Variants in PDE1A observed in about 807,000 individuals in gnomAD.
PDE1A encodes phosphodiesterase 1A, also known as dual specificity calcium/calmodulin-dependent 3',5'-cyclic nucleotide phosphodiesterase 1A.
Under a neutral mutation model 61.7 loss-of-function variants are expected in PDE1A, and 35 were observed. That is an observed-to-expected ratio of 0.57 (90% CI 0.43 to 0.75). The LOEUF (loss-of-function observed/expected upper bound fraction) is 0.75, where lower values mean the gene tolerates loss of function less well. PDE1A is among the 30% of genes least tolerant of loss of function. The pLI is 0.00. For synonymous variants in PDE1A, 232 were observed against 213.2 expected (o/e 1.09, Z -0.77); for missense variants, 597 against 630.6 (o/e 0.95, Z 0.57).
At chr2:182,266,184 T>C (rs1223498652) in intron 1 of PDE1A, among the ~76,000 whole-genome samples, 1 of 152,168 alleles carries the variant, frequency 6.6e-6, no homozygotes, top group African/African-American at 2.4e-5. Flanking sequence ...ATAAATTGTA[T>C]ATACCAATAA....
exon 15 of PDE1A, chr2:182,140,513 C>A (rs1690180814): frequency 6.6e-6 from 1 of 152,074 alleles, no homozygotes; most frequent in Admixed American, 6.6e-5. Context: ...ATTTAGCAAT[C>A]ACATGTAATA....
the PDE1A span, among the ~76,000 whole-genome samples, chr2:182,665,449 A>G: frequency 6.6e-6 from 1 of 152,220 alleles, no homozygotes; most frequent in East Asian, 1.9e-4. Flanking sequence ...TATGTGGCCA[A>G]CAACCATATG....
chr2:182,665,110 A>G, the PDE1A span, among the ~76,000 whole-genome samples: 2 of 152,166 alleles, frequency 1.3e-5, no homozygotes, highest in Non-Finnish European at 2.9e-5. Flanking sequence ...GACAATTGAT[A>G]AAATACTACA....
chr2:182,273,586 T>C (rs528699008), intron 1 of PDE1A, among the ~76,000 whole-genome samples: 4 of 152,204 alleles, frequency 2.6e-5, no homozygotes, highest in African/African-American at 4.8e-5. Flanking sequence ...ACACATTAAG[T>C]GAAAAGAGAA....
At chr2:182,516,669 AAGGGAAGG>A (rs901119311) in intron 2 of PDE1A, among the ~76,000 whole-genome samples, 4 of 126,420 alleles carry the variant, frequency 3.2e-5, no homozygotes, top group African/African-American at 1.2e-4. Context: ...AGAGAGAAAG[AAGGGAAGG>A]AGGGAAGGAG....
the PDE1A span, among the ~76,000 whole-genome samples, chr2:182,582,654 T>C: frequency 1.3e-5 from 2 of 152,276 alleles, no homozygotes; most frequent in South Asian, 4.1e-4. Context: ...CTCAGATGTC[T>C]GCAAGGAAGA....
the PDE1A span, among the ~76,000 whole-genome samples, chr2:182,634,690 A>G: frequency 6.6e-6 from 1 of 152,208 alleles, no homozygotes; most frequent in African/African-American, 2.4e-5. Context: ...GTACTCAGAG[A>G]AAAAAACAAG....
intron 2 of PDE1A, among the ~76,000 whole-genome samples, chr2:182,498,892 G>A (rs908348214): frequency 3.3e-5 from 5 of 151,854 alleles, no homozygotes; most frequent in African/African-American, 7.2e-5. Flanking sequence ...CGCAGTGAGC[G>A]GAAATGCGCC....
At chr2:182,709,979 C>G in the PDE1A span, among the ~76,000 whole-genome samples, 4 of 152,302 alleles carry the variant, frequency 2.6e-5, no homozygotes, top group African/African-American at 9.6e-5. Context: ...TCACCACAAC[C>G]TCCGACTCCC....
intron 1 of PDE1A, among the ~76,000 whole-genome samples, chr2:182,305,377 G>T (rs771180516): frequency 6.6e-6 from 1 of 151,744 alleles, no homozygotes; most frequent in East Asian, 1.9e-4. Flanking sequence ...CATACTTTCA[G>T]CTTTACCCTT....
intron 1 of PDE1A, among the ~76,000 whole-genome samples, chr2:182,364,502 T>C (rs956254381): frequency 9.1e-5 from 4 of 43,796 alleles, no homozygotes; most frequent in Admixed American, 4.7e-4. Context: ...AAAAAAAACC[T>C]TATTCTGAAT....
At chr2:182,695,332 T>C in the PDE1A span, among the ~76,000 whole-genome samples, 7 of 152,100 alleles carry the variant, frequency 4.6e-5, no homozygotes, top group African/African-American at 1.7e-4. Flanking sequence ...GAAACTTTCA[T>C]GGGAACCAGC....
intron 7 of PDE1A, among the ~76,000 whole-genome samples, chr2:182,218,416 T>TAATA (rs1420072193): frequency 2.3e-5 from 2 of 86,342 alleles, no homozygotes; most frequent in East Asian, 1.1e-3. Context: ...ACTTAAAGTA[T>TAATA]AATAAAAAAT....
intron 1 of PDE1A, among the ~76,000 whole-genome samples, chr2:182,271,381 T>A (rs964139070): frequency 3.0e-4 from 45 of 152,194 alleles, no homozygotes; most frequent in African/African-American, 1.1e-3. Context: ...AAAATAATCC[T>A]ATTGAAGCAG....
intron 1 of PDE1A, among the ~76,000 whole-genome samples, chr2:182,380,797 T>G (rs1700690199): frequency 1.3e-5 from 2 of 152,224 alleles, no homozygotes; most frequent in African/African-American, 4.8e-5. Flanking sequence ...CAGAATCCAG[T>G]TCACAAGGTA....
At chr2:182,333,186 A>T (rs1697541862) in intron 1 of PDE1A, among the ~76,000 whole-genome samples, 1 of 152,200 alleles carries the variant, frequency 6.6e-6, no homozygotes, top group Non-Finnish European at 1.5e-5. Context: ...CAGAAAATTA[A>T]CAAGGACATT....
chr2:182,172,556 C>CCTCT lies in PDE1A; in HGVS notation c.1517-4270_1517-4267dup, dbSNP rs1692326628. 2.0e-5 allele frequency among the ~76,000 whole-genome samples: 3 copies of CCTCT among 152,136 alleles called. No homozygotes were observed. The South Asian group carries it at 6.2e-4, about 32-fold the overall frequency. ...CGATAAGGCATGTGTAGTTAAATGT[C>CCTCT]CTCTCCACCTCCACTCTTACTAGAA... On this transcript the variant is annotated intron_variant, in intron 13 of 13. Transcript: ENST00000351439.
intron 2 of PDE1A, among the ~76,000 whole-genome samples, chr2:182,252,812 T>TC (rs1691499981): frequency 3.9e-5 from 6 of 152,140 alleles, no homozygotes; most frequent in Non-Finnish European, 7.3e-5. Context: ...CAGATAGGCC[T>TC]GAGACAGCCT....
At chr2:182,459,601 C>T (rs971078307) in intron 2 of PDE1A, among the ~76,000 whole-genome samples, 3 of 152,164 alleles carry the variant, frequency 2.0e-5, no homozygotes. Flanking sequence ...AGTAACTTCA[C>T]ATTCTGAATC....
Sources: allele counts gnomAD v4.1 joint callset (sites outside exome capture counted in the v4.1 genomes callset), GRCh38; gene constraint gnomAD v4.1.1; transcripts MANE v1.5; gene names NCBI Gene and HGNC (gene_info 2026-07-23, HGNC 2026-07-21).